Variants in TBC1D5 observed in about 807,000 individuals in gnomAD.
TBC1D5 encodes the protein TBC1 domain family member 5.
In TBC1D5, 75 loss-of-function variants were observed where a neutral mutation model predicts 100.3. The ratio of observed to expected loss-of-function variants is 0.75; its 90% confidence interval spans 0.62 to 0.91. TBC1D5 has a LOEUF of 0.91. Among genes scored for constraint, TBC1D5 ranks in the 40% least tolerant of loss-of-function variants. TBC1D5 has a pLI of 0.00. For synonymous variants in TBC1D5, 323 were observed against 325.6 expected (o/e 0.99, Z 0.09); for missense variants, 910 against 942.4 (o/e 0.97, Z 0.45).
At chr3:17,507,500 T>C (rs1244417027) in intron 3 of TBC1D5, among the ~76,000 whole-genome samples, 10 of 152,114 alleles carry the variant, frequency 6.6e-5, no homozygotes, top group Non-Finnish European at 1.5e-5. Flanking sequence ...TCTAAAGAAA[T>C]AGCCACTTTA....
Position 17,578,291 on chromosome 3 carries a change from GCA to G in TBC1D5, c.-36+45556_-36+45557del, listed in dbSNP as rs559642494. ...AAATGCAGCTTTTCCATTCTTTTCT[GCA>G]CACTCAGTGAAGAAACAATGATTAA... On this transcript the variant is annotated intron_variant, in intron 2 of 21. Coordinates refer to ENST00000253692, the Ensembl canonical transcript of TBC1D5. Among the ~76,000 whole-genome samples, 234 of 152,026 alleles carry G rather than the reference GCA, an allele frequency of 1.5e-3. 1 individual carries two copies. The highest frequency in any genetic ancestry group is 2.7e-3 in the Non-Finnish European group (182 of 67,868).
At chr3:17,470,568 A>C (rs536169276) in intron 3 of TBC1D5, among the ~76,000 whole-genome samples, 76 of 152,326 alleles carry the variant, frequency 5.0e-4, no homozygotes, top group Non-Finnish European at 5.9e-4. Flanking sequence ...ATGATTGTAA[A>C]ATGTATGTAT....
intron 1 of TBC1D5, among the ~76,000 whole-genome samples, chr3:17,694,061 G>A (rs1417330945): frequency 6.7e-6 from 1 of 150,252 alleles, no homozygotes; most frequent in Non-Finnish European, 1.5e-5. Flanking sequence ...CCAACAAAAA[G>A]GACATCTACA....
chr3:17,445,104 C>G (rs1177481965), intron 3 of TBC1D5, among the ~76,000 whole-genome samples: 2 of 152,130 alleles, frequency 1.3e-5, no homozygotes, highest in African/African-American at 4.8e-5. Flanking sequence ...CATATGGCAA[C>G]CCAGCTACAG....
chr3:17,676,757 C>T (rs1345655994), intron 1 of TBC1D5, among the ~76,000 whole-genome samples: 1 of 152,200 alleles, frequency 6.6e-6, no homozygotes, highest in Non-Finnish European at 1.5e-5. Context: ...AACTATACTA[C>T]AAGGCTACAA....
intron 8 of TBC1D5, 32 bp downstream of exon 8, chr3:17,403,149 A>G: frequency 6.6e-7 from 1 of 1,520,480 alleles, no homozygotes; most frequent in Non-Finnish European, 8.9e-7. Context: ...AATTTGAATT[A>G]TTGAAAGTAA....
chr3:17,605,400 A>C (rs951481281), intron 2 of TBC1D5, among the ~76,000 whole-genome samples: 4 of 152,228 alleles, frequency 2.6e-5, no homozygotes, highest in Admixed American at 2.0e-4. Flanking sequence ...CTCAGTCATA[A>C]GTAATGTGTT....
At chr3:17,622,920 A>C (rs2062781431) in intron 2 of TBC1D5, among the ~76,000 whole-genome samples, 1 of 152,236 alleles carries the variant, frequency 6.6e-6, no homozygotes, top group Non-Finnish European at 1.5e-5. Context: ...AGCTTTCTAC[A>C]TAATACACAA....
intron 4 of TBC1D5, among the ~76,000 whole-genome samples, chr3:17,417,056 T>C (rs892890715): frequency 6.6e-6 from 1 of 152,184 alleles, no homozygotes; most frequent in African/African-American, 2.4e-5. Flanking sequence ...AAGGCAATAG[T>C]AGTTATTTTG....
intron 13 of TBC1D5, among the ~76,000 whole-genome samples, chr3:17,352,970 A>G (rs2090814954): frequency 6.6e-6 from 1 of 152,072 alleles, no homozygotes. Context: ...TTCACTACAA[A>G]CAGTAAAAGA....
intron 1 of TBC1D5, among the ~76,000 whole-genome samples, chr3:17,633,748 C>T (rs1268607815): frequency 1.3e-5 from 2 of 152,072 alleles, no homozygotes; most frequent in Middle Eastern, 3.2e-3. Context: ...GTTCTCAATA[C>T]ATTTAATTTA....
At chr3:17,511,147 TGTAA>T (rs1213115017) in intron 2 of TBC1D5, among the ~76,000 whole-genome samples, 19 of 152,076 alleles carry the variant, frequency 1.2e-4, no homozygotes, top group African/African-American at 4.6e-4. Context: ...TCTGCTAATT[TGTAA>T]GTGTTAGCAA....
rs182915251 is a variant in TBC1D5 at position 17,628,612 on chromosome 3, G to A, written c.-100-4699C>T. On this transcript the variant is annotated intron_variant, in intron 1 of 21. Transcript: ENST00000253692. ...TAACTATCTGAAGAACCCTGGGAAC[G>A]GTTTAATTGTATCAAGATTTAGAAT... is the stretch of plus-strand genomic sequence containing the variant. Among the ~76,000 whole-genome samples the A allele has an allele frequency of 7.2e-5, 11 of 152,178 alleles. No homozygotes were observed. The East Asian group carries it at 1.7e-3, about 24-fold the overall frequency.
intron 2 of TBC1D5, among the ~76,000 whole-genome samples, chr3:17,559,709 C>G (rs1330314347): frequency 6.6e-6 from 1 of 151,926 alleles, no homozygotes; most frequent in Non-Finnish European, 1.5e-5. Flanking sequence ...CCTGCCTCAG[C>G]CTCCCGAGTA....
chr3:17,654,009 G>C (rs111316590), intron 1 of TBC1D5, among the ~76,000 whole-genome samples: 1 of 152,000 alleles, frequency 6.6e-6, no homozygotes, highest in Non-Finnish European at 1.5e-5. Context: ...ATTCTTTTTG[G>C]GGTGAGAGAG....
intron 2 of TBC1D5, among the ~76,000 whole-genome samples, chr3:17,510,110 A>T (rs1455984489): frequency 1.3e-5 from 2 of 151,798 alleles, no homozygotes; most frequent in African/African-American, 4.8e-5. Flanking sequence ...AATAAGAGAA[A>T]AAAGAAGTGG....
chr3:17,242,190 C>A (rs188517869), intron 16 of TBC1D5, among the ~76,000 whole-genome samples: 6 of 152,250 alleles, frequency 3.9e-5, no homozygotes, highest in Non-Finnish European at 8.8e-5. Context: ...ATGGCCTGTT[C>A]TTATTACATT....
chr3:17,314,652 G>A (rs576125520), intron 13 of TBC1D5, among the ~76,000 whole-genome samples: 93 of 152,196 alleles, frequency 6.1e-4, no homozygotes, highest in Non-Finnish European at 1.1e-3. Context: ...GTGCTCCTGG[G>A]TCAGAGCTTC....
chr3:17,576,599 T>C (rs957580710), intron 2 of TBC1D5: 1 of 152,040 alleles, frequency 6.6e-6, no homozygotes, highest in East Asian at 1.9e-4. Flanking sequence ...CCAGGTAGTT[T>C]TTCAACACTG....
Sources: gnomAD v4.1 joint callset for allele counts (sites outside exome capture counted in the v4.1 genomes callset) on GRCh38, gnomAD v4.1.1 for gene constraint, MANE v1.5 for transcripts, NCBI Gene and HGNC (gene_info 2026-07-23, HGNC 2026-07-21) for gene names.